NDUFAF6: variants seen among roughly 807,000 people sequenced by gnomAD.
The protein encoded by NDUFAF6 is NADH:ubiquinone oxidoreductase complex assembly factor 6, also known as NADH dehydrogenase (ubiquinone) complex I, assembly factor 6.
In NDUFAF6, 45 loss-of-function variants were observed where a neutral mutation model predicts 40.8. That is an observed-to-expected ratio of 1.10 (90% CI 0.87 to 1.42). NDUFAF6 has a LOEUF of 1.42. Ranked by LOEUF, NDUFAF6 falls within the 40% of genes most tolerant of loss-of-function variation. The probability of loss-of-function intolerance (pLI) is 0.00; values close to 1 mark genes in which losing one functional copy is unlikely to be tolerated. For missense variants in NDUFAF6, 435 were observed against 418.5 expected (o/e 1.04, Z -0.34); for synonymous variants, 185 against 155.9 (o/e 1.19, Z -1.39).
chr8:95,091,365 G>A (rs1466503631), intron 2 of NDUFAF6, among the ~76,000 whole-genome samples: 1 of 151,996 alleles, frequency 6.6e-6, no homozygotes, highest in Non-Finnish European at 1.5e-5. Context: ...GATCTCATGA[G>A]AACTCGCTCA....
chr8:94,940,740 TCA>T (rs2131368418), intron 1 of NDUFAF6: 2 of 917,872 alleles, frequency 2.2e-6, no homozygotes, highest in East Asian at 5.0e-5. Context: ...TGAAAACCCC[TCA>T]GTTATTGGTT....
intron 9 of NDUFAF6, among the ~76,000 whole-genome samples, chr8:95,064,529 TATC>T (rs1172891279): frequency 7.2e-6 from 1 of 137,940 alleles, no homozygotes; most frequent in Non-Finnish European, 1.6e-5. Flanking sequence ...ACTGTGATAT[TATC>T]ATTTATTCGT....
intron 1 of NDUFAF6, among the ~76,000 whole-genome samples, chr8:94,916,766 TCA>T (rs1819148739): frequency 7.3e-6 from 1 of 136,476 alleles, no homozygotes; most frequent in South Asian, 2.5e-4. Context: ...TGAGCCGAGA[TCA>T]CGCCACTGCT....
chr8:95,082,519 C>G (rs1808903700), intron 2 of NDUFAF6, among the ~76,000 whole-genome samples: 1 of 121,820 alleles, frequency 8.2e-6, no homozygotes, highest in African/African-American at 3.2e-5. Context: ...AAACAGATAC[C>G]TAGAATTTAT....
At chr8:94,907,173 G>A (rs963513139) in intron 1 of NDUFAF6, among the ~76,000 whole-genome samples, 1 of 130,624 alleles carries the variant, frequency 7.7e-6, no homozygotes, top group Admixed American at 7.4e-5. Context: ...CAGAAGTGAT[G>A]TCTTTCTCCT....
At chr8:94,923,811 C>T (rs1420179098) in intron 1 of NDUFAF6, among the ~76,000 whole-genome samples, 1 of 150,098 alleles carries the variant, frequency 6.7e-6, no homozygotes, top group Non-Finnish European at 1.5e-5. Context: ...TCCCAAGTGG[C>T]TGGGACTACA....
At chr8:95,048,876 T>TC (rs1831114868) in intron 7 of NDUFAF6, among the ~76,000 whole-genome samples, 1 of 152,144 alleles carries the variant, frequency 6.6e-6, no homozygotes, top group African/African-American at 2.4e-5. Flanking sequence ...ATGCCTCTCG[T>TC]CCCCCTCCCA....
chr8:95,105,506 C>T (rs1000742163), downstream of NDUFAF6, among the ~76,000 whole-genome samples: 4 of 151,928 alleles, frequency 2.6e-5, no homozygotes, highest in Non-Finnish European at 5.9e-5. Context: ...ATTACAGGTG[C>T]GTGCCACCAC....
chr8:95,074,580 T>C (rs1366287707), intron 9 of NDUFAF6, among the ~76,000 whole-genome samples: 2 of 152,166 alleles, frequency 1.3e-5, no homozygotes, highest in Non-Finnish European at 2.9e-5. Context: ...AACTTCCCCA[T>C]TTCTATGAAT....
intron 2 of NDUFAF6, among the ~76,000 whole-genome samples, chr8:94,985,515 A>T (rs989689971): frequency 0.04 from 261 of 6,592 alleles, 2 homozygotes; most frequent in Admixed American, 0.066. Context: ...ATATATATAT[A>T]TTTTTTTTTT....
Position 95,033,699 on chromosome 8 carries a change from G to A in NDUFAF6, c.297+1605G>A, listed in dbSNP as rs569459581. ...TTAGGAGAAACCTCACGGAGAAGGTGGCATTGGAGCAGAGATCTGAAGGAG... is the reference window on the plus strand; with the variant it reads ...TTAGGAGAAACCTCACGGAGAAGGTAGCATTGGAGCAGAGATCTGAAGGAG... On this transcript the variant is annotated intron_variant, in intron 2 of 8. Coordinates refer to ENST00000396124, the MANE Select transcript of NDUFAF6 (RefSeq NM_152416.4). 2.0e-5 allele frequency among the ~76,000 whole-genome samples: 3 copies of A among 152,276 alleles called. No homozygotes were observed. In the East Asian group the frequency reaches 5.8e-4, roughly 29 times the overall value.
chr8:95,014,268 A>ATG (rs1279953958), intron 2 of NDUFAF6, among the ~76,000 whole-genome samples: 7 of 152,260 alleles, frequency 4.6e-5, no homozygotes, highest in African/African-American at 4.8e-5. Context: ...GAATGTTGAC[A>ATG]TGTGAACAGA....
At chr8:94,904,305 G>A (rs1818231514) in intron 1 of NDUFAF6, among the ~76,000 whole-genome samples, 1 of 118,678 alleles carries the variant, frequency 8.4e-6, no homozygotes. Flanking sequence ...CATCACACCT[G>A]GCTAATTTTT....
At chr8:95,035,378 A>C in intron 2 of NDUFAF6, 76 bp from the exon 3 acceptor site, 1 of 1,537,448 alleles carries the variant, frequency 6.5e-7, no homozygotes, top group African/African-American at 1.4e-5. Flanking sequence ...CATTAACTCA[A>C]AAAATTCCCT....
intron 9 of NDUFAF6, among the ~76,000 whole-genome samples, chr8:95,074,734 CT>C (rs1260669882): frequency 1.3e-5 from 2 of 152,172 alleles, no homozygotes; most frequent in African/African-American, 4.8e-5. Flanking sequence ...ATCTCTTCCT[CT>C]CCACTCTCAC....
intron 1 of NDUFAF6, among the ~76,000 whole-genome samples, chr8:94,963,567 C>T (rs1240992606): frequency 6.6e-6 from 1 of 152,224 alleles, no homozygotes; most frequent in South Asian, 2.1e-4. Flanking sequence ...TTCTTCTACC[C>T]TTGAGGGCCA....
At chr8:95,064,021 G>A (rs1347490295) in intron 9 of NDUFAF6, among the ~76,000 whole-genome samples, 10 of 146,850 alleles carry the variant, frequency 6.8e-5, no homozygotes, top group African/African-American at 2.3e-4. Flanking sequence ...ACACGTGCCC[G>A]CCACCACGCC....
chr8:94,981,106 A>G (rs1005464198), intron 2 of NDUFAF6: 7 of 397,924 alleles, frequency 1.8e-5, no homozygotes, highest in Non-Finnish European at 3.1e-5. Context: ...CCAGTGTGAC[A>G]GTATTGGGAG....
intron 1 of NDUFAF6, among the ~76,000 whole-genome samples, chr8:94,938,885 G>A (rs1821252163): frequency 6.6e-6 from 1 of 152,254 alleles, no homozygotes; most frequent in South Asian, 2.1e-4. Flanking sequence ...AGAAGCATAA[G>A]TAAAACCTGG....
Sources: allele counts gnomAD v4.1 joint callset (sites outside exome capture counted in the v4.1 genomes callset), GRCh38; gene constraint gnomAD v4.1.1; transcripts MANE v1.5; gene names NCBI Gene and HGNC (gene_info 2026-07-23, HGNC 2026-07-21).